OTULIN: variants seen among roughly 807,000 people sequenced by gnomAD.
OTULIN encodes ubiquitin thioesterase otulin.
OTULIN carries 15 observed loss-of-function variants against 39.6 expected under a neutral mutation model. The ratio of observed to expected loss-of-function variants is 0.38; its 90% CI spans 0.25 to 0.58. OTULIN has a LOEUF of 0.58. Among genes scored for constraint, OTULIN ranks in the 20% least tolerant of loss-of-function variants. OTULIN has a pLI of 0.66. For missense variants in OTULIN, 319 were observed against 445.9 expected (o/e 0.72, Z 2.56); for synonymous variants, 156 against 170.3 (o/e 0.92, Z 0.65).
chr5:14,695,969 G>C lies in OTULIN; in HGVS notation c.*2921G>C, dbSNP rs1298705610. Reference sequence around the variant, plus strand: ...GTCTGATAAGATTTTCTTTGCTTAAGGAGAACGGACATTGCCTTGGTATGT... The same window carrying C: ...GTCTGATAAGATTTTCTTTGCTTAACGAGAACGGACATTGCCTTGGTATGT... On this transcript the variant is annotated 3_prime_UTR_variant, in exon 7 of 7. Transcript: ENST00000284274. 1 of 149,456 alleles carries C rather than the reference G, an allele frequency of 6.7e-6. No homozygotes were observed. 9.3% of individuals were successfully genotyped at this position (149,456 alleles called of 1,614,324 possible).
chr5:14,702,045 T>A (rs781634813), downstream of OTULIN, among the ~76,000 whole-genome samples: 27 of 152,050 alleles, frequency 1.8e-4, no homozygotes, highest in Non-Finnish European at 3.5e-4. Flanking sequence ...GAGGCTTCTG[T>A]AGCATCCAAG....
intron 4 of OTULIN, among the ~76,000 whole-genome samples, chr5:14,683,689 T>C (rs1736314465): frequency 6.6e-6 from 1 of 152,234 alleles, no homozygotes; most frequent in Non-Finnish European, 1.5e-5. Flanking sequence ...CATAATATCT[T>C]CCTCAATTTT....
chr5:14,693,151 G>C lies in OTULIN; in HGVS notation c.*103G>C. The C allele has an allele frequency of 1.7e-6, 2 of 1,166,568 alleles. No homozygotes were observed. The highest frequency in any genetic ancestry group is 2.4e-6 in the Non-Finnish European group (2 of 838,164). 72.3% of individuals were successfully genotyped at this position (1,166,568 alleles called of 1,614,324 possible). A position where few individuals can be genotyped will look rare whatever the true frequency, so the allele number is the denominator to read the frequency against. On this transcript the variant is annotated 3_prime_UTR_variant, in exon 7 of 7. Coordinates refer to ENST00000284274, the MANE Select transcript of OTULIN (RefSeq NM_138348.6). Reference sequence around the variant, plus strand: ...GGTCTCTAAGAACAATCTCTGAGAAGAACCCTTGGGCCCCTGGGAGCCAAG... The same window carrying C: ...GGTCTCTAAGAACAATCTCTGAGAACAACCCTTGGGCCCCTGGGAGCCAAG...
chr5:14,712,779 C>CG, the OTULIN span: 1 of 1,267,452 alleles, frequency 7.9e-7, no homozygotes, highest in Admixed American at 2.0e-5. Context: ...CCCCCACTGA[C>CG]GAACGCCACC....
Position 14,693,389 on chromosome 5 carries a change from C to G in OTULIN, c.*341C>G. ...TCTTTATGTCTCAAATCAAAACTCT[C>G]TCTAATGGTAAACTGGCTTCTAATT... is the stretch of plus-strand genomic sequence containing the variant. On this transcript the variant is annotated 3_prime_UTR_variant, in exon 7 of 7. Coordinates refer to ENST00000284274, the MANE Select transcript of OTULIN (RefSeq NM_138348.6). The G allele has an allele frequency of 5.3e-6, 1 of 189,066 alleles. No homozygotes were observed. The highest frequency in any genetic ancestry group is 1.1e-5 in the Non-Finnish European group (1 of 92,280). The allele number at this position is 189,066 out of a possible 1,614,324, so 11.7% of individuals were successfully genotyped here.
At chr5:14,675,621 G>A (rs1388844098) in intron 2 of OTULIN, among the ~76,000 whole-genome samples, 2 of 152,184 alleles carry the variant, frequency 1.3e-5, no homozygotes, top group African/African-American at 4.8e-5. Flanking sequence ...GTAGGCTCTC[G>A]GTTGTGATTC....
chr5:14,669,360 C>T (rs1158485049), intron 1 of OTULIN, among the ~76,000 whole-genome samples: 1 of 145,604 alleles, frequency 6.9e-6, no homozygotes, highest in African/African-American at 2.8e-5. Flanking sequence ...AGCGAAACTC[C>T]GTCTCAAAAA....
downstream of OTULIN, among the ~76,000 whole-genome samples, chr5:14,699,947 A>G (rs1276142698): frequency 6.6e-6 from 1 of 152,146 alleles, no homozygotes; most frequent in African/African-American, 2.4e-5. Flanking sequence ...TTGTCCTCTA[A>G]GTGGTGCCAT....
chr5:14,680,142 C>T (rs1189451720), intron 3 of OTULIN, among the ~76,000 whole-genome samples: 3 of 152,172 alleles, frequency 2.0e-5, no homozygotes, highest in Admixed American at 2.0e-4. Context: ...GGTACAGCTG[C>T]AGTTGGATTT....
chr5:14,677,761 T>C (rs961311454), intron 2 of OTULIN, among the ~76,000 whole-genome samples: 8 of 152,158 alleles, frequency 5.3e-5, no homozygotes, highest in Non-Finnish European at 1.0e-4. Context: ...ACTTTTAGGT[T>C]TTTGGGATCA....
At chr5:14,711,440 G>T in the OTULIN span, 1 of 761,064 alleles carries the variant, frequency 1.3e-6, no homozygotes, top group Non-Finnish European at 2.3e-6. Flanking sequence ...TTATGGTTGG[G>T]GTGGCGTCAC....
rs1302920832 is a variant in OTULIN, at chr5:14,697,178, T to C, written c.*4130T>C. ...GGGTGGAGGTGAACTGTCCCATGTA[T>C]TGTATTATATATTTTTTGAGATGGG... On this transcript the variant is annotated 3_prime_UTR_variant, in exon 7 of 7. Coordinates refer to ENST00000284274, the MANE Select transcript of OTULIN (RefSeq NM_138348.6). 6.6e-6 allele frequency: 1 copy of C among 152,244 alleles called. No individual in the cohort carries two copies. The highest frequency in any genetic ancestry group is 1.5e-5 in the Non-Finnish European group (1 of 68,104). 9.4% of individuals were successfully genotyped at this position (152,244 alleles called of 1,614,324 possible).
intron 4 of OTULIN, among the ~76,000 whole-genome samples, chr5:14,684,462 G>A (rs1579971977): frequency 6.6e-6 from 1 of 152,176 alleles, no homozygotes; most frequent in East Asian, 1.9e-4. Flanking sequence ...GGAAGGAAGG[G>A]ACCCATAAGC....
intron 1 of OTULIN, among the ~76,000 whole-genome samples, chr5:14,669,054 C>T (rs1331786008): frequency 6.6e-6 from 1 of 152,140 alleles, no homozygotes; most frequent in Non-Finnish European, 1.5e-5. Context: ...AATATTTTAT[C>T]TCCAGGTTAA....
At chr5:14,702,276 G>T (rs1736812384), downstream of OTULIN, among the ~76,000 whole-genome samples, 1 of 152,196 alleles carries the variant, frequency 6.6e-6, no homozygotes, top group Admixed American at 6.5e-5. Context: ...GTACAGGGAT[G>T]GGCTGAAGGC....
chr5:14,676,110 G>T (rs76744640), intron 2 of OTULIN, among the ~76,000 whole-genome samples: 5 of 152,082 alleles, frequency 3.3e-5, no homozygotes, highest in African/African-American at 1.2e-4. Flanking sequence ...CCTGCTTTCC[G>T]GAGGGGTTTC....
In OTULIN at chr5:14,664,912, G is replaced by A; in HGVS notation, c.87G>A (p.Ala29=). 1 of 1,178,582 alleles carries A rather than the reference G, an allele frequency of 8.5e-7. No individual in the cohort carries two copies. The highest frequency in any genetic ancestry group is 1.0e-6 in the Non-Finnish European group (1 of 954,496). The allele number at this position is 1,178,582 out of a possible 1,614,324, so 73.0% of individuals were successfully genotyped here. ...CGGCGCGGGAGGCGGCGGCCACGGC[G>A]CGGGACGGCGGGAAGGCGGCGGCCA... ...ETPAREAAAT[A]RDGGKAAASG... The change falls in exon 1 of 7, where the codon GCG becomes GCA. Residue 29 remains alanine (A), a synonymous_variant. Transcript: ENST00000284274.
chr5:14,716,398 A>G, the OTULIN span, among the ~76,000 whole-genome samples: 10 of 151,946 alleles, frequency 6.6e-5, no homozygotes, highest in East Asian at 1.2e-3. Context: ...GAGGCTGAAC[A>G]GGAGAAGTGC....
chr5:14,687,457 G>T, intron 4 of OTULIN, 64 bp from the exon 5 acceptor site: 2 of 1,559,990 alleles, frequency 1.3e-6, no homozygotes, highest in South Asian at 2.4e-5. Context: ...TTACAGCTTG[G>T]ATTGTGTGGT....
Sources: gnomAD v4.1 joint callset for allele counts (sites outside exome capture counted in the v4.1 genomes callset) on GRCh38, gnomAD v4.1.1 for gene constraint, MANE v1.5 for transcripts, NCBI Gene and HGNC (gene_info 2026-07-23, HGNC 2026-07-21) for gene names.